CAB39L: variants seen among roughly 807,000 people sequenced by gnomAD.
CAB39L encodes calcium binding protein 39 like, also known as calcium-binding protein 39-like.
CAB39L carries 23 observed loss-of-function variants against 39.1 expected under a neutral mutation model. That is an observed-to-expected ratio of 0.59 (90% CI 0.42 to 0.83). The LOEUF is 0.83. CAB39L is among the 40% of genes least tolerant of loss of function. The probability of loss-of-function intolerance (pLI) is 0.00; values close to 1 mark genes in which losing one functional copy is unlikely to be tolerated. For synonymous variants in CAB39L, 126 were observed against 137.2 expected (o/e 0.92, Z 0.57); for missense variants, 366 against 391.9 (o/e 0.93, Z 0.56).
chr13:49,339,125 CTTTT>C (rs1215081648), intron 9 of CAB39L, among the ~76,000 whole-genome samples: 329 of 99,918 alleles, frequency 3.3e-3, no homozygotes, highest in African/African-American at 0.013. Context: ...TTTTACATGT[CTTTT>C]TTTTTTTTTT....
intron 3 of CAB39L, among the ~76,000 whole-genome samples, chr13:49,398,562 T>C (rs1393698057): frequency 1.3e-5 from 2 of 152,092 alleles, no homozygotes; most frequent in Admixed American, 1.3e-4. Flanking sequence ...AGATTTACAA[T>C]AGACTAAAGA....
At chr13:49,320,905 G>A (rs1245254982) in intron 10 of CAB39L, among the ~76,000 whole-genome samples, 1 of 152,144 alleles carries the variant, frequency 6.6e-6, no homozygotes, top group Non-Finnish European at 1.5e-5. Flanking sequence ...AAGCATCACT[G>A]GGCCCACGAC....
At chr13:49,361,621 A>G (rs7984177) in intron 5 of CAB39L, among the ~76,000 whole-genome samples, 140,950 of 152,048 alleles carry the variant, frequency 0.93, 65,623 homozygotes, top group African/African-American at 0.98. Flanking sequence ...ACTTGACAGC[A>G]GCCAACTTTT....
chr13:49,337,690 T>C (rs966944875), intron 9 of CAB39L, among the ~76,000 whole-genome samples: 5 of 151,280 alleles, frequency 3.3e-5, no homozygotes, highest in African/African-American at 9.7e-5. Context: ...TGTTTAAAGA[T>C]CAACTCATCA....
intron 3 of CAB39L, among the ~76,000 whole-genome samples, chr13:49,384,537 C>T (rs915157566): frequency 6.6e-6 from 1 of 152,096 alleles, no homozygotes; most frequent in Non-Finnish European, 1.5e-5. Context: ...TTAAGTTTGC[C>T]CAGATCCATT....
intron 5 of CAB39L, among the ~76,000 whole-genome samples, chr13:49,366,731 A>G (rs1030828218): frequency 1.3e-5 from 2 of 151,976 alleles, no homozygotes; most frequent in African/African-American, 2.4e-5. Context: ...AAAACAAACA[A>G]TCTGCCAGGC....
chr13:49,387,741 G>A (rs1189028557), intron 3 of CAB39L, among the ~76,000 whole-genome samples: 7 of 152,070 alleles, frequency 4.6e-5, no homozygotes, highest in Non-Finnish European at 1.0e-4. Flanking sequence ...AGAAGAAAAG[G>A]AGACAAAAAG....
intron 10 of CAB39L, among the ~76,000 whole-genome samples, chr13:49,312,836 A>C (rs1954035223): frequency 6.6e-6 from 1 of 152,228 alleles, no homozygotes; most frequent in Non-Finnish European, 1.5e-5. Flanking sequence ...TACGTACCTC[A>C]CAAATTGAAT....
chr13:49,347,788 C>T (rs1038479176), intron 7 of CAB39L, among the ~76,000 whole-genome samples: 11 of 152,222 alleles, frequency 7.2e-5, no homozygotes, highest in Non-Finnish European at 4.4e-5. Flanking sequence ...ACTCGGAGCC[C>T]GGAGCCATGC....
intron 3 of CAB39L, among the ~76,000 whole-genome samples, chr13:49,418,083 A>G (rs967930795): frequency 6.6e-6 from 1 of 152,196 alleles, no homozygotes; most frequent in Non-Finnish European, 1.5e-5. Flanking sequence ...ATACACCCAT[A>G]CAAAAACTTA....
intron 2 of CAB39L, 81 bp from the exon 3 acceptor site, chr13:49,433,474 T>C (rs568173382): frequency 8.8e-5 from 35 of 397,362 alleles, no homozygotes; most frequent in African/African-American, 7.2e-4. Context: ...CTTTCAGGTA[T>C]ACAGAATTAC....
intron 7 of CAB39L, among the ~76,000 whole-genome samples, chr13:49,344,752 G>T (rs1222484047): frequency 6.6e-6 from 1 of 152,020 alleles, no homozygotes; most frequent in African/African-American, 2.4e-5. Flanking sequence ...TCGATCTCCT[G>T]ACTTTGTGAT....
At chr13:49,439,921 G>GTTTTTTTTTTTTTTTTTTTTTTTTTTTT (rs34993624) in intron 1 of CAB39L, among the ~76,000 whole-genome samples, 7 of 78,540 alleles carry the variant, frequency 8.9e-5, no homozygotes, top group Admixed American at 3.6e-4. Flanking sequence ...TTTTTAATGG[G>GTTTTTTTTTTTTTTTTTTTTTTTTTTTT]TTTTTTTTTT....
chr13:49,380,520 G>C (rs1467559193), intron 4 of CAB39L, among the ~76,000 whole-genome samples: 1 of 152,200 alleles, frequency 6.6e-6, no homozygotes, highest in African/African-American at 2.4e-5. Context: ...AATAAGTAAT[G>C]ACTACTAATG....
At chr13:49,331,876 C>T in intron 10 of CAB39L, 71 bp downstream of exon 10, 1 of 1,388,668 alleles carries the variant, frequency 7.2e-7, no homozygotes, top group Non-Finnish European at 1.0e-6. Flanking sequence ...GAGTAAAGAG[C>T]AGGGAGTTTG....
intron 3 of CAB39L, among the ~76,000 whole-genome samples, chr13:49,390,367 C>T (rs1956461905): frequency 6.6e-6 from 1 of 152,228 alleles, no homozygotes; most frequent in Non-Finnish European, 1.5e-5. Context: ...CCACCTCAGC[C>T]TTACAAAGTC....
In CAB39L at chr13:49,406,913, C is replaced by T. The variant is rs567464108; in HGVS notation, c.-31-23972G>A. 5.9e-5 allele frequency among the ~76,000 whole-genome samples: 9 copies of T among 152,276 alleles called. No individual in the cohort carries two copies. The South Asian group carries it at 1.2e-3, about 21-fold the overall frequency. ...TGAATGAAGTTTAAAGAATTCTTTG[C>T]CGTTAACTAATGAAGTGGTCAGCAT... is the stretch of plus-strand genomic sequence containing the variant. On this transcript the variant is annotated intron_variant, in intron 3 of 10. Coordinates refer to ENST00000409308, the MANE Select transcript of CAB39L (RefSeq NM_001079670.3).
At position 49,319,042 on chromosome 13, in the gene CAB39L, A is replaced by G. The variant is rs571154732; in HGVS notation, c.835-8049T>C. ...GTGGATCACTTGAGGTCAGGGGTTC[A>G]TGACCAGCCTAGCCAACATAGTGAA... On this transcript the variant is annotated intron_variant, in intron 10 of 10. Coordinates refer to ENST00000409308, the MANE Select transcript of CAB39L (RefSeq NM_001079670.3). Among the ~76,000 whole-genome samples, 5 of 152,224 alleles carry G rather than the reference A, an allele frequency of 3.3e-5. No homozygotes were observed. In the South Asian group the frequency reaches 1.0e-3, roughly 32 times the overall value.
intron 10 of CAB39L, among the ~76,000 whole-genome samples, chr13:49,329,547 ATATAT>A (rs1954619015): frequency 0.019 from 638 of 32,962 alleles, 47 homozygotes; most frequent in Admixed American, 0.031. Flanking sequence ...AAAAAAAAAT[ATATAT>A]ATATATATAT....
Sources: gnomAD v4.1 joint callset for allele counts (sites outside exome capture counted in the v4.1 genomes callset) on GRCh38, gnomAD v4.1.1 for gene constraint, MANE v1.5 for transcripts, NCBI Gene and HGNC (gene_info 2026-07-23, HGNC 2026-07-21) for gene names.